MEIOB: variants seen among roughly 807,000 people sequenced by gnomAD.
MEIOB encodes meiosis specific with OB-fold.
MEIOB carries 50 observed loss-of-function variants against 53.1 expected under a neutral mutation model. The observed-to-expected ratio is 0.94, with a 90% CI of 0.75 to 1.19. The LOEUF is 1.19. Among genes scored for constraint, MEIOB ranks in the 50% most tolerant of loss-of-function variants. The pLI is 0.00. For synonymous variants in MEIOB, 192 were observed against 182.5 expected (o/e 1.05, Z -0.42); for missense variants, 551 against 550.8 (o/e 1.00, Z 0.00).
At chr16:1,855,843 A>T (rs1899285745) in intron 6 of MEIOB, among the ~76,000 whole-genome samples, 1 of 152,134 alleles carries the variant, frequency 6.6e-6, no homozygotes, top group Admixed American at 6.5e-5. Flanking sequence ...CTGCCATCTG[A>T]AAGGGTCACG....
intron 2 of MEIOB, among the ~76,000 whole-genome samples, chr16:1,866,797 T>C (rs971803934): frequency 6.6e-6 from 1 of 152,202 alleles, no homozygotes; most frequent in African/African-American, 2.4e-5. Context: ...CTAAACTTAT[T>C]TTGCTAATTG....
At chr16:1,863,290 C>G (rs923796141) in intron 3 of MEIOB, among the ~76,000 whole-genome samples, 2 of 151,706 alleles carry the variant, frequency 1.3e-5, no homozygotes, top group Non-Finnish European at 1.5e-5. Flanking sequence ...CTCCCAGCAG[C>G]TGGGACTCAG....
chr16:1,871,400 T>C (rs1352103278), intron 1 of MEIOB, among the ~76,000 whole-genome samples: 2 of 111,378 alleles, frequency 1.8e-5, no homozygotes, highest in African/African-American at 3.4e-5. Flanking sequence ...TTTGTATTTT[T>C]AGTAGAGACG....
intron 9 of MEIOB, among the ~76,000 whole-genome samples, chr16:1,849,313 G>A (rs1899101214): frequency 1.3e-5 from 2 of 152,070 alleles, no homozygotes; most frequent in African/African-American, 2.4e-5. Flanking sequence ...AGCACTTTGG[G>A]AGGCCAAGGC....
chr16:1,852,998 G>C (rs1431696950), intron 9 of MEIOB, 41 bp downstream of exon 9: 6 of 1,175,854 alleles, frequency 5.1e-6, no homozygotes, highest in Non-Finnish European at 7.6e-6. Context: ...AATGTGTTCA[G>C]TCATTTCCAA....
rs946048175 is a variant in MEIOB at position 1,850,928 on chromosome 16, A to G, written c.778+2111T>C. ...AGAGTGAGACTGTCTCAAAAAAAAT[A>G]AAATAAATAAAATTAAATTAAAATA... On this transcript the variant is annotated intron_variant, in intron 9 of 13. Coordinates refer to ENST00000325962, the MANE Select transcript of MEIOB (RefSeq NM_001163560.3). Among the ~76,000 whole-genome samples, 6 of 152,270 alleles carry G rather than the reference A, an allele frequency of 3.9e-5. No individual in the cohort carries two copies. In the South Asian group the frequency reaches 1.0e-3, roughly 26 times the overall value.
chr16:1,856,598 C>A (rs1251311746), intron 6 of MEIOB, among the ~76,000 whole-genome samples: 1 of 152,058 alleles, frequency 6.6e-6, no homozygotes, highest in Admixed American at 6.6e-5. Flanking sequence ...GGATTACAGG[C>A]GTGAGCCACC....
intron 6 of MEIOB, among the ~76,000 whole-genome samples, chr16:1,857,139 G>T (rs1172226115): frequency 6.6e-6 from 1 of 152,200 alleles, no homozygotes; most frequent in Non-Finnish European, 1.5e-5. Flanking sequence ...GCTCTGGTCT[G>T]TCCAACTACA....
At chr16:1,845,037 C>T (rs1259233943) in intron 9 of MEIOB, 74 bp from the exon 10 acceptor site, 1 of 681,284 alleles carries the variant, frequency 1.5e-6, no homozygotes, top group Non-Finnish European at 2.5e-6. Context: ...CATCCAAAAT[C>T]ATTTTAATAG....
At position 1,871,281 on chromosome 16, in the gene MEIOB, G is replaced by A. The variant is rs1479100510; in HGVS notation, c.-10+712C>T. Among the ~76,000 whole-genome samples, 3 of 149,374 alleles carry A rather than the reference G, an allele frequency of 2.0e-5. No individual in the cohort carries two copies. The South Asian group carries it at 6.5e-4, about 32-fold the overall frequency. On this transcript the variant is annotated intron_variant, in intron 1 of 13. Coordinates refer to ENST00000325962, the MANE Select transcript of MEIOB (RefSeq NM_001163560.3). ...GTCGCCCAGGCTGGAGCGCAGTGGCGCAATCTCGGCTCACTACAAGCTCCG... is the reference window on the plus strand; with the variant it reads ...GTCGCCCAGGCTGGAGCGCAGTGGCACAATCTCGGCTCACTACAAGCTCCG...
chr16:1,866,606 C>T (rs1899598945), intron 2 of MEIOB, among the ~76,000 whole-genome samples: 1 of 152,016 alleles, frequency 6.6e-6, no homozygotes, highest in African/African-American at 2.4e-5. Context: ...CCTGTAATCC[C>T]AGCTACTCGC....
chr16:1,871,918 T>C, intron 1 of MEIOB, 75 bp downstream of exon 1: 1 of 18,544 alleles, frequency 5.4e-5, no homozygotes, highest in Non-Finnish European at 1.4e-4. Flanking sequence ...CCGCGCGGGC[T>C]CCCTTCCTCG....
At chr16:1,858,774 G>C (rs1369049256) in intron 5 of MEIOB, among the ~76,000 whole-genome samples, 1 of 152,232 alleles carries the variant, frequency 6.6e-6, no homozygotes, top group East Asian at 1.9e-4. Context: ...TTATGAAATT[G>C]GTATTTCTAG....
At chr16:1,860,945 G>A (rs749843883) in intron 4 of MEIOB, among the ~76,000 whole-genome samples, 11 of 152,076 alleles carry the variant, frequency 7.2e-5, no homozygotes, top group East Asian at 1.9e-4. Context: ...TTTTTCTATC[G>A]TGAAGAACTA....
chr16:1,850,305 G>T (rs571461228), intron 9 of MEIOB, among the ~76,000 whole-genome samples: 10 of 152,180 alleles, frequency 6.6e-5, no homozygotes, highest in Admixed American at 1.3e-4. Flanking sequence ...CAGGCCGGGC[G>T]TGGTGGCTCA....
At chr16:1,849,161 C>T (rs1159464751) in intron 9 of MEIOB, among the ~76,000 whole-genome samples, 1 of 152,012 alleles carries the variant, frequency 6.6e-6, no homozygotes, top group Non-Finnish European at 1.5e-5. Context: ...TGGCTCACAC[C>T]TGTAATCCCA....
chr16:1,865,129 G>T (rs1422710906), intron 3 of MEIOB, among the ~76,000 whole-genome samples: 4 of 151,662 alleles, frequency 2.6e-5, no homozygotes, highest in Non-Finnish European at 4.4e-5. Context: ...ACAAATTTTT[G>T]TTTTTTTTAA....
chr16:1,862,172 G>A (rs1372735437), intron 3 of MEIOB, 56 bp from the exon 4 acceptor site: 23 of 1,418,840 alleles, frequency 1.6e-5, no homozygotes, highest in Non-Finnish European at 2.9e-6. Flanking sequence ...TCGCTTCTCT[G>A]CCTTTTGATA....
rs1168113052 is a variant in MEIOB at position 1,837,862 on chromosome 16, C to T, written c.1227G>A (p.Glu409=). ...AEETLGCTVH[E]FLAMTDEQKT... The stretch of plus-strand genomic sequence containing the variant: ...TCTGTTCATCTGTCATTGCAAGAAA[C>T]TCATGTACCTGGTTAAAAAAAAAAT... Residue 409 remains glutamate (E), a synonymous_variant, in exon 13 of 14, where the codon GAG becomes GAA. Transcript: ENST00000325962. 2.6e-6 allele frequency: 4 copies of T among 1,510,590 alleles called. No individual in the cohort carries two copies. The African/African-American group carries it at 5.7e-5, about 21-fold the overall frequency. The allele number at this position is 1,510,590 out of a possible 1,614,324, so 93.6% of individuals were successfully genotyped here.
Sources: gnomAD v4.1 joint callset for allele counts (sites outside exome capture counted in the v4.1 genomes callset) on GRCh38, gnomAD v4.1.1 for gene constraint, MANE v1.5 for transcripts, NCBI Gene and HGNC (gene_info 2026-07-23, HGNC 2026-07-21) for gene names.